Variants in OSBPL2 observed in about 807,000 individuals in gnomAD.
OSBPL2 encodes the protein oxysterol binding protein like 2.
OSBPL2 carries 18 observed loss-of-function variants against 58.4 expected under a neutral mutation model. The ratio of observed to expected loss-of-function variants is 0.31; its 90% CI spans 0.21 to 0.46. OSBPL2 has a LOEUF of 0.46. Ranked by LOEUF, OSBPL2 falls within the 20% of genes least tolerant of loss-of-function variation. OSBPL2 has a pLI of 1.00. For synonymous variants in OSBPL2, 221 were observed against 234.1 expected (o/e 0.94, Z 0.51); for missense variants, 461 against 616.5 (o/e 0.75, Z 2.67).
intron 1 of OSBPL2, among the ~76,000 whole-genome samples, chr20:62,244,931 C>G (rs984814247): frequency 1.3e-5 from 2 of 152,254 alleles, no homozygotes; most frequent in Non-Finnish European, 2.9e-5. Context: ...GTTCACCTGC[C>G]TTTCTCAGTG....
At chr20:62,273,080 A>G (rs978830527) in intron 5 of OSBPL2, among the ~76,000 whole-genome samples, 3 of 152,144 alleles carry the variant, frequency 2.0e-5, no homozygotes, top group Non-Finnish European at 4.4e-5. Flanking sequence ...CCGGGGGTGG[A>G]AGGCAGCACC....
At chr20:62,239,761 C>T (rs555463593) in intron 1 of OSBPL2, among the ~76,000 whole-genome samples, 1 of 152,370 alleles carries the variant, frequency 6.6e-6, no homozygotes, top group East Asian at 1.9e-4. Context: ...CCCTTCCTAA[C>T]TCGTGCCCAT....
intron 1 of OSBPL2, among the ~76,000 whole-genome samples, chr20:62,246,224 GGGACGCTGTGTCCA>G: frequency 6.6e-6 from 1 of 152,340 alleles, no homozygotes; most frequent in East Asian, 1.9e-4. Context: ...ATGGGGCCCC[GGGACGCTGTGTCCA>G]GGATGGGCGC....
chr20:62,257,340 A>G (rs962948883), intron 2 of OSBPL2, among the ~76,000 whole-genome samples: 7 of 152,134 alleles, frequency 4.6e-5, no homozygotes, highest in Admixed American at 3.9e-4. Flanking sequence ...GCAGCTCAAG[A>G]TGGTTGACTT....
chr20:62,242,883 A>C (rs1423809684), intron 1 of OSBPL2, among the ~76,000 whole-genome samples: 2 of 152,152 alleles, frequency 1.3e-5, no homozygotes, highest in Non-Finnish European at 2.9e-5. Context: ...GGAGGACTGT[A>C]GTGTGTAGGG....
intron 1 of OSBPL2, among the ~76,000 whole-genome samples, chr20:62,251,865 CTTTTTTTTTTTTTTTTTT>C (rs147891445): frequency 2.4e-4 from 10 of 41,740 alleles, no homozygotes; most frequent in East Asian, 7.1e-4. Context: ...ATTGGTATGC[CTTTTTTTTTTTTTTTTTT>C]TTTTTTTTTT....
Position 62,279,226 on chromosome 20 carries a change from G to T in OSBPL2, c.561G>T (p.Ser187=), listed in dbSNP as rs150067853. The T allele has an allele frequency of 2.3e-5, 37 of 1,614,066 alleles. No homozygotes were observed. In the African/African-American group the frequency reaches 4.4e-4, roughly 19 times the overall value. Residue 187 remains serine, a synonymous_variant, in exon 7 of 14, where the codon TCG becomes TCT. Coordinates refer to ENST00000313733, the MANE Select transcript of OSBPL2 (RefSeq NM_144498.4). ...SHHPPISAFH[S]EGLNHDFLFH... ...ACCCCCCCATCAGTGCGTTCCACTC[G>T]GAAGGTCTCAACCATGACTTCCTGT... is the stretch of plus-strand genomic sequence containing the variant.
intron 12 of OSBPL2, chr20:62,291,322 G>A (rs1983495231): frequency 8.9e-6 from 3 of 337,096 alleles, no homozygotes; most frequent in Non-Finnish European, 1.7e-5. Flanking sequence ...TCGTCTTTGG[G>A]AGATGGGCTC....
chr20:62,260,048 C>G lies in OSBPL2; in HGVS notation c.105C>G (p.Asp35Glu). The G allele has an allele frequency of 6.2e-7, 1 of 1,613,654 alleles. No individual in the cohort carries two copies. The highest frequency in any genetic ancestry group is 8.5e-7 in the Non-Finnish European group (1 of 1,179,562). ...EANQKVTGMI[D>E]LDTSKNNRIG... ...ATCAGAAAGTCACGGGAATGATTGA[C>G]TTAGACACCAGCAAAAATAATAGGA... Residue 35 changes from aspartate (D) to glutamate (E), a missense_variant, in exon 3 of 14, where the codon GAC becomes GAG. Physicochemically the swap from Asp to Glu is conservative, Grantham distance 45. Transcript: ENST00000313733.
intron 1 of OSBPL2, chr20:62,242,428 G>A (rs1224006680): frequency 6.6e-6 from 1 of 152,260 alleles, no homozygotes; most frequent in Non-Finnish European, 1.5e-5. Flanking sequence ...TGAGCTGAGT[G>A]GTGGAAGTGA....
intron 1 of OSBPL2, among the ~76,000 whole-genome samples, chr20:62,248,171 T>G (rs111776166): frequency 0.07 from 5,254 of 74,956 alleles, 91 homozygotes; most frequent in African/African-American, 0.2. Context: ...TTTTTTTTTT[T>G]TGTGACAGGG....
intron 4 of OSBPL2, among the ~76,000 whole-genome samples, chr20:62,268,288 A>T (rs558472021): frequency 1.3e-5 from 2 of 152,218 alleles, no homozygotes; most frequent in African/African-American, 4.8e-5. Context: ...TTCATTTTTG[A>T]TATTGAGAGA....
chr20:62,284,045 G>A lies in OSBPL2; in HGVS notation c.873-1G>A. The A allele has an allele frequency of 6.2e-7, 1 of 1,610,140 alleles. No individual in the cohort carries two copies. Among genetic ancestry groups the A allele is most frequent in the Non-Finnish European group, 8.5e-7 (1 of 1,177,392 alleles). Reference sequence around the variant, plus strand: ...TCTTTAAAAATCCCATTTAATTACAGCAAAAAGAAGCTCTTTATGATCTAT... The same window carrying A: ...TCTTTAAAAATCCCATTTAATTACAACAAAAAGAAGCTCTTTATGATCTAT... On this transcript the variant is annotated splice_acceptor_variant, in intron 9 of 13. Transcript: ENST00000313733. LOFTEE classifies it high-confidence loss of function.
In OSBPL2 at chr20:62,256,037, C is replaced by A; in HGVS notation, c.-128-20C>A. 1.2e-6 allele frequency: 1 copy of A among 837,764 alleles called. No homozygotes were observed. The highest frequency in any genetic ancestry group is 1.9e-5 in the South Asian group (1 of 51,882). 51.9% of individuals were successfully genotyped at this position (837,764 alleles called of 1,614,324 possible). ...TGAAACTTCTGGAAGCTAAGTATGC[C>A]AAAATTTTTTTCCCTTTAGATCTTC... is the stretch of plus-strand genomic sequence containing the variant. On this transcript the variant is annotated intron_variant, in intron 1 of 13. Transcript: ENST00000313733.
rs1245463321 is a variant in OSBPL2 at position 62,295,157 on chromosome 20, G to C, written c.*1270G>C. 1 of 151,938 alleles carries C rather than the reference G, an allele frequency of 6.6e-6. No homozygotes were observed. Among genetic ancestry groups the C allele is most frequent in the Non-Finnish European group, 1.5e-5 (1 of 68,018 alleles). 9.4% of individuals were successfully genotyped at this position (151,938 alleles called of 1,614,324 possible). On this transcript the variant is annotated 3_prime_UTR_variant, in exon 14 of 14. Transcript: ENST00000313733. This position sits in a 1 kb window ranked among gnomAD's most constrained non-coding sequence, Gnocchi z 4.8. Reference sequence around the variant, plus strand: ...AGTAGACACGGGTTTTCACCATGTTGGTCAGGCTGGTCTCAAACTCCCGAC... The same window carrying C: ...AGTAGACACGGGTTTTCACCATGTTCGTCAGGCTGGTCTCAAACTCCCGAC...
At chr20:62,268,798 C>G (rs1981864231) in intron 4 of OSBPL2, among the ~76,000 whole-genome samples, 1 of 152,178 alleles carries the variant, frequency 6.6e-6, no homozygotes, top group Non-Finnish European at 1.5e-5. Context: ...TGGCTCACGC[C>G]TGTAATCCCA....
intron 2 of OSBPL2, among the ~76,000 whole-genome samples, chr20:62,258,154 C>T (rs1315575393): frequency 6.6e-6 from 1 of 152,156 alleles, no homozygotes; most frequent in Non-Finnish European, 1.5e-5. Flanking sequence ...CATGGCAAGG[C>T]CTCTCCATGT....
chr20:62,293,238 C>T (rs1197717435), intron 13 of OSBPL2, among the ~76,000 whole-genome samples: 1 of 152,058 alleles, frequency 6.6e-6, no homozygotes, highest in Non-Finnish European at 1.5e-5. Context: ...AAGAAAATGT[C>T]TTCTCCTTTG....
In OSBPL2 at chr20:62,281,792, C is replaced by G; in HGVS notation, c.785C>G (p.Thr262Ser). The G allele has an allele frequency of 6.2e-7, 1 of 1,602,718 alleles. No homozygotes were observed. Among genetic ancestry groups the G allele is most frequent in the African/African-American group, 1.3e-5 (1 of 74,880 alleles). Residue 262 changes from threonine (T) to serine (S), a missense_variant and splice_region_variant, in exon 9 of 14, where the codon ACT becomes AGT. This residue lies in a region of OSBPL2 where 319 missense variants were observed against 419.2 expected (regional missense o/e 0.76). Coordinates refer to ENST00000313733, the MANE Select transcript of OSBPL2 (RefSeq NM_144498.4). ...YGTVEILNHR[T>S]GHKCVLHFKP... ...ACCTGTGTTTGTTTTTCTCACAGAACTGGACATAAGTGTGTGCTTCACTTT... is the reference window on the plus strand; with the variant it reads ...ACCTGTGTTTGTTTTTCTCACAGAAGTGGACATAAGTGTGTGCTTCACTTT...
Sources: allele counts gnomAD v4.1 joint callset (sites outside exome capture counted in the v4.1 genomes callset), GRCh38; gene constraint gnomAD v4.1.1; regional missense constraint gnomAD v4.1.1; non-coding constraint Gnocchi (gnomAD v3.1); transcripts MANE v1.5; gene names NCBI Gene and HGNC (gene_info 2026-07-23, HGNC 2026-07-21).